Variants in COL1A2 observed in about 807,000 individuals in gnomAD.
The protein encoded by COL1A2 is collagen alpha-2(I) chain.
A neutral mutation model predicts 174.3 loss-of-function variants in COL1A2; 49 were observed. The ratio of observed to expected loss-of-function variants is 0.28; its 90% confidence interval spans 0.22 to 0.36. The LOEUF (loss-of-function observed/expected upper bound fraction) is 0.36. Ranked by LOEUF, COL1A2 falls within the 10% of genes least tolerant of loss-of-function variation. COL1A2 has a pLI of 1.00. For synonymous variants in COL1A2, 655 were observed against 606.6 expected, an observed-to-expected ratio of 1.08 and a Z score of -1.17; for missense variants, 1,438 against 1,822.7, an observed-to-expected ratio of 0.79 and a Z score of 3.84.
At chr7:94,425,461 G>C in intron 42 of COL1A2, 149 bp from the exon 43 acceptor site, 1 of 911,682 alleles carries the variant, frequency 1.1e-6, no homozygotes, top group Non-Finnish European at 1.8e-6. Context: ...AAATATCTAG[G>C]TTGGCAGGTT....
At chr7:94,416,588 T>C in intron 31 of COL1A2, 85 bp downstream of exon 31, 1 of 1,070,318 alleles carries the variant, frequency 9.3e-7, no homozygotes, top group South Asian at 1.4e-5. Flanking sequence ...GATAATTGTT[T>C]TTCAGATTTT....
intron 1 of COL1A2, 52 bp from the exon 2 acceptor site, chr7:94,397,696 C>T: frequency 9.9e-7 from 1 of 1,012,106 alleles, no homozygotes; most frequent in Non-Finnish European, 1.5e-6. Context: ...GCTATTGATC[C>T]ATGAAGTGAT....
rs779799840 is a variant in COL1A2, at chr7:94,408,321, T to C, written c.694-15T>C. Reference sequence around the variant, plus strand: ...TTTAAGTTTCCACCTGATCTTCCCTTTATTTTCTTCTTAGGGTGCCCGTGG... The same window carrying C: ...TTTAAGTTTCCACCTGATCTTCCCTCTATTTTCTTCTTAGGGTGCCCGTGG... On this transcript the variant is annotated splice_polypyrimidine_tract_variant and intron_variant, in intron 14 of 51. Transcript: ENST00000297268. 5.0e-5 allele frequency: 80 copies of C among 1,613,950 alleles called. 1 individual carries two copies. Among genetic ancestry groups the C allele is most frequent in the Non-Finnish European group, 6.0e-5 (71 of 1,180,000 alleles).
chr7:94,405,531 T>C, intron 10 of COL1A2, 142 bp from the exon 11 acceptor site: 1 of 833,926 alleles, frequency 1.2e-6, no homozygotes. Flanking sequence ...GCAAGTTAAT[T>C]TGTCACTCTG....
At chr7:94,428,827 A>C (rs781056360) in intron 50 of COL1A2, among the ~76,000 whole-genome samples, 7 of 152,248 alleles carry the variant, frequency 4.6e-5, no homozygotes, top group Non-Finnish European at 7.3e-5. Flanking sequence ...CTTTTCACCA[A>C]CTTTACTGAA....
chr7:94,412,991 C>T, intron 25 of COL1A2, 92 bp from the exon 26 acceptor site: 2 of 1,255,340 alleles, frequency 1.6e-6, no homozygotes, highest in Non-Finnish European at 2.3e-6. Flanking sequence ...AACACAAAAA[C>T]AAGCAGGATT....
chr7:94,411,250 A>G lies in COL1A2; in HGVS notation c.1350+96A>G. On this transcript the variant is annotated intron_variant, in intron 23 of 51. Transcript: ENST00000297268. ...TGAAGATAACAATAAAAACATCAAA[A>G]GTAAATTTGTTAGTAGTCTTGCTGA... is the stretch of plus-strand genomic sequence containing the variant. The G allele has an allele frequency of 2.9e-6, 3 of 1,026,580 alleles. No homozygotes were observed. In the South Asian group the frequency reaches 4.1e-5, roughly 14 times the overall value. The allele number at this position is 1,026,580 out of a possible 1,614,324, so 63.6% of individuals were successfully genotyped here.
In COL1A2 at chr7:94,398,408, C is replaced by A; in HGVS notation, c.96+12C>A. The A allele has an allele frequency of 1.1e-6, 1 of 936,860 alleles. No homozygotes were observed. Among genetic ancestry groups the A allele is most frequent in the South Asian group, 1.7e-5 (1 of 60,332 alleles). The allele number at this position is 936,860 out of a possible 1,614,324, so 58.0% of individuals were successfully genotyped here. ...AAACTGTAAGAAAGGTAAGAGTACA[C>A]TACTTCTCCATAAATATCTAAAATT... On this transcript the variant is annotated intron_variant, in intron 3 of 51. Transcript: ENST00000297268.
chr7:94,407,772 A>C (rs953572996), intron 12 of COL1A2, 75 bp from the exon 13 acceptor site: 4 of 1,347,526 alleles, frequency 3.0e-6, no homozygotes, highest in Non-Finnish European at 3.2e-6. Flanking sequence ...AGTAAAAAAA[A>C]TAGAGTAAAA....
intron 38 of COL1A2, chr7:94,421,397 A>T: frequency 2.4e-6 from 1 of 416,618 alleles, no homozygotes; most frequent in Admixed American, 3.9e-5. Context: ...CTATCACAAC[A>T]ATTCTCTAGA....
At chr7:94,426,911 A>G in intron 46 of COL1A2, 97 bp from the exon 47 acceptor site, 1 of 1,074,770 alleles carries the variant, frequency 9.3e-7, no homozygotes, top group Non-Finnish European at 1.4e-6. Flanking sequence ...TCCGGAGTCC[A>G]TTTAACTAAA....
At chr7:94,417,862 A>G in intron 32 of COL1A2, 31 bp downstream of exon 32, 1 of 1,529,910 alleles carries the variant, frequency 6.5e-7, no homozygotes, top group Non-Finnish European at 8.9e-7. Flanking sequence ...CATATTGTTG[A>G]TGAACTCTAG....
At position 94,416,406 on chromosome 7, in the gene COL1A2, G is replaced by T; in HGVS notation, c.1766G>T (p.Gly589Val). 2 of 1,569,410 alleles carry T rather than the reference G, an allele frequency of 1.3e-6. No homozygotes were observed. The highest frequency in any genetic ancestry group is 4.7e-5 in the East Asian group (2 of 42,420). ...ACTTCTTCTAATCACTTTTTTCAGGGGGAACGCGGTCCCCCAGGTGAGAGT... is the reference window on the plus strand; with the variant it reads ...ACTTCTTCTAATCACTTTTTTCAGGTGGAACGCGGTCCCCCAGGTGAGAGT... The part of the protein sequence containing the change: ...FGLPGPAGPR[G>V]ERGPPGESGA... The change falls in exon 31 of 52, where the codon GGG becomes GTG. Residue 589 changes from glycine to valine, a missense_variant and splice_region_variant. By Grantham distance (109) the Gly-to-Val change is moderately radical (BLOSUM62 -3). Transcript: ENST00000297268.
At chr7:94,406,407 AT>A in intron 12 of COL1A2, 104 bp downstream of exon 12, 1 of 1,080,202 alleles carries the variant, frequency 9.3e-7, no homozygotes, top group Non-Finnish European at 1.4e-6. Context: ...TACAAAAAGT[AT>A]TTTTATTTTT....
In COL1A2 at chr7:94,409,384, G is replaced by T. The variant is rs185254570; in HGVS notation, c.855G>T (p.Val285=). The change falls in exon 17 of 52, where the codon GTG becomes GTT. Residue 285 remains valine, a synonymous_variant. Transcript: ENST00000297268. ...PAGPAGPRGE[V]GLPGLSGPVG... is the part of the protein sequence containing the mutation. ...GTCCCGCCGGTCCCCGTGGTGAAGT[G>T]GGTCTTCCAGGCCTCTCCGGCCCCG... 6.2e-7 allele frequency: 1 copy of T among 1,614,034 alleles called. No individual in the cohort carries two copies. The highest frequency in any genetic ancestry group is 8.5e-7 in the Non-Finnish European group (1 of 1,180,024).
At chr7:94,415,750 AAC>A (rs1313930865) in intron 30 of COL1A2, among the ~76,000 whole-genome samples, 9 of 152,300 alleles carry the variant, frequency 5.9e-5, no homozygotes, top group Admixed American at 5.9e-4. Flanking sequence ...GTCACTAGTT[AAC>A]ACATATGTAG....
intron 32 of COL1A2, 37 bp from the exon 33 acceptor site, chr7:94,418,462 C>T (rs1399166151): frequency 1.2e-6 from 2 of 1,603,390 alleles, no homozygotes; most frequent in Non-Finnish European, 1.7e-6. Context: ...AAATTTTGGT[C>T]AGAAAACAAA....
Position 94,421,043 on chromosome 7 carries a change from G to A in COL1A2, c.2330G>A (p.Arg777His), listed in dbSNP as rs746187799. Residue 777 changes from arginine to histidine, a missense_variant, in exon 38 of 52, where the codon CGT becomes CAT. Around this residue, in one of 3 missense-constraint regions of COL1A2, gnomAD observed 867 missense variants for 1,213.7 expected, o/e 0.71. Transcript: ENST00000297268. Reference protein sequence around the residue: ...PNGPPGPAGSRGDGGPPGMTG... With the variant: ...PNGPPGPAGSHGDGGPPGMTG... ...GGTCCCCCCGGTCCTGCTGGAAGTC[G>A]TGGTGATGGAGGCCCCCCTGTGAGT... The A allele has an allele frequency of 1.7e-5, 27 of 1,614,068 alleles. No individual in the cohort carries two copies. Among genetic ancestry groups the A allele is most frequent in the East Asian group, 6.7e-5 (3 of 44,878 alleles).
intron 1 of COL1A2, chr7:94,395,336 A>G (rs1369920537): frequency 3.3e-6 from 2 of 599,234 alleles, no homozygotes; most frequent in South Asian, 3.1e-5. Flanking sequence ...AGAGTGAGAC[A>G]GTTAACTCGG....
Sources: gnomAD v4.1 joint callset for allele counts (sites outside exome capture counted in the v4.1 genomes callset) on GRCh38, gnomAD v4.1.1 for gene constraint, gnomAD v4.1.1 regional missense constraint, MANE v1.5 for transcripts, NCBI Gene and HGNC (gene_info 2026-07-23, HGNC 2026-07-21) for gene names.